Variants in DNAH14 observed in about 807,000 individuals in gnomAD.
DNAH14 encodes the protein dynein axonemal heavy chain 14.
DNAH14 carries 478 observed loss-of-function variants against 520.9 expected under a neutral mutation model. The observed-to-expected ratio is 0.92, with a 90% CI of 0.85 to 0.99. The LOEUF is 0.99. DNAH14 is among the 50% of genes least tolerant of loss of function. DNAH14 has a pLI of 0.00. For missense variants in DNAH14, 4,831 were observed against 5,234.5 expected, an observed-to-expected ratio of 0.92 and a Z score of 2.38; for synonymous variants, 1,581 against 1,757.2, an observed-to-expected ratio of 0.90 and a Z score of 2.51.
chr1:225,214,285 T>C (rs1420092565), intron 41 of DNAH14, among the ~76,000 whole-genome samples: 2 of 152,200 alleles, frequency 1.3e-5, no homozygotes, highest in Non-Finnish European at 2.9e-5. Flanking sequence ...ATAAGCTTTT[T>C]GATGTGCTGC....
intron 42 of DNAH14, among the ~76,000 whole-genome samples, chr1:225,236,234 T>G (rs1173468428): frequency 6.6e-6 from 1 of 152,136 alleles, no homozygotes. Flanking sequence ...TCTGTTTGTT[T>G]GCATTAGTTT....
At position 225,147,241 on chromosome 1, in the gene DNAH14, T is replaced by A. The variant is rs2080036538; in HGVS notation, c.4932T>A (p.Tyr1644Ter). The change falls in exon 31 of 86, where the codon TAT (tyrosine) becomes TAA (stop). Residue 1644 changes from tyrosine to a stop codon, truncating the protein, a stop_gained. Transcript: ENST00000682510. LOFTEE classifies it high-confidence loss of function. ...ILTIKAAKDN[Y>*]SARFVLEGKE... ...CAATTAAGGCTGCAAAAGACAACTATTCTGCCAGGTATTTGTCGAATGTGT... is the reference window on the plus strand; with the variant it reads ...CAATTAAGGCTGCAAAAGACAACTAATCTGCCAGGTATTTGTCGAATGTGT... 1 of 1,543,776 alleles carries A rather than the reference T, an allele frequency of 6.5e-7. No individual in the cohort carries two copies. The highest frequency in any genetic ancestry group is 1.4e-5 in the African/African-American group (1 of 72,638).
intron 41 of DNAH14, among the ~76,000 whole-genome samples, chr1:225,218,770 G>T (rs1368251122): frequency 2.0e-5 from 3 of 152,104 alleles, no homozygotes; most frequent in Admixed American, 1.3e-4. Context: ...AATTCACAAG[G>T]ATATCCAGGA....
intron 10 of DNAH14, among the ~76,000 whole-genome samples, chr1:225,016,286 C>T (rs2065213119): frequency 6.6e-6 from 1 of 152,082 alleles, no homozygotes; most frequent in South Asian, 2.1e-4. Flanking sequence ...GTAAAAGATT[C>T]TATTTATTCT....
At chr1:225,298,801 C>G (rs2150053474) in intron 55 of DNAH14, among the ~76,000 whole-genome samples, 1 of 152,264 alleles carries the variant, frequency 6.6e-6, no homozygotes, top group Non-Finnish European at 1.5e-5. Flanking sequence ...AAAATGGGCC[C>G]AGGGCTAGAA....
chr1:225,049,803 TATCTATCA>T (rs1465375331), intron 15 of DNAH14, among the ~76,000 whole-genome samples: 1 of 149,134 alleles, frequency 6.7e-6, no homozygotes, highest in African/African-American at 2.6e-5. Flanking sequence ...TCTATCTATC[TATCTATCA>T]ATCATCTATC....
intron 36 of DNAH14, among the ~76,000 whole-genome samples, chr1:225,179,364 G>C (rs1053770751): frequency 6.6e-6 from 1 of 151,770 alleles, no homozygotes; most frequent in Non-Finnish European, 1.5e-5. Flanking sequence ...TTAGTTCCTT[G>C]CTTTTTATTT....
At chr1:225,141,103 T>C in intron 28 of DNAH14, 82 bp downstream of exon 28, 1 of 1,333,020 alleles carries the variant, frequency 7.5e-7, no homozygotes. Flanking sequence ...ACCTCACACT[T>C]TGTCAAACTT....
chr1:225,094,368 G>A (rs921930188), intron 21 of DNAH14, among the ~76,000 whole-genome samples: 2 of 151,856 alleles, frequency 1.3e-5, no homozygotes, highest in African/African-American at 4.8e-5. Flanking sequence ...ACAAAAACAA[G>A]GCATAGGGGA....
In DNAH14 at chr1:225,277,423, T is replaced by C. The variant is rs554088376; in HGVS notation, c.8192T>C (p.Met2731Thr). ...TTGATCTGCTAGCTTTCTCATTCCA[T>C]GGTGTTCTTCAAGGAAGCCATAGAA... Reference protein sequence around the residue: ...GSISLELSHSMVFFKEAIEHI... With the variant: ...GSISLELSHSTVFFKEAIEHI... Residue 2731 changes from methionine (M) to threonine (T), a missense_variant, in exon 54 of 86, where the codon ATG becomes ACG. Physicochemically the swap from Met to Thr is moderately conservative, Grantham distance 81. Coordinates refer to ENST00000682510, the MANE Select transcript of DNAH14 (RefSeq NM_001367479.1). The C allele has an allele frequency of 4.3e-6, 2 of 470,032 alleles. No individual in the cohort carries two copies. Among genetic ancestry groups the C allele is most frequent in the African/African-American group, 2.0e-5 (1 of 50,176 alleles). 29.1% of individuals were successfully genotyped at this position (470,032 alleles called of 1,614,324 possible).
chr1:225,364,540 TA>T (rs2095530058), intron 75 of DNAH14, among the ~76,000 whole-genome samples: 1 of 152,176 alleles, frequency 6.6e-6, no homozygotes, highest in African/African-American at 2.4e-5. Context: ...AATTTGTAAT[TA>T]TTTCCAGATT....
At chr1:225,380,137 C>T (rs929301389) in intron 79 of DNAH14, 22 bp from the exon 80 acceptor site, 9 of 1,539,810 alleles carry the variant, frequency 5.8e-6, no homozygotes, top group Non-Finnish European at 7.9e-6. Flanking sequence ...GTGTCTCATT[C>T]TTCTCTTGGT....
intron 43 of DNAH14, among the ~76,000 whole-genome samples, chr1:225,244,720 T>C (rs1473115266): frequency 6.6e-6 from 1 of 152,126 alleles, no homozygotes. Flanking sequence ...TTTTTTATTG[T>C]ATCTATTTGA....
intron 35 of DNAH14, among the ~76,000 whole-genome samples, chr1:225,167,155 C>T (rs2082111692): frequency 6.6e-6 from 1 of 152,202 alleles, no homozygotes; most frequent in African/African-American, 2.4e-5. Context: ...CAACTGATTG[C>T]CTACCTCCAG....
chr1:225,128,921 T>C (rs2078072292), intron 27 of DNAH14, among the ~76,000 whole-genome samples: 3 of 149,890 alleles, frequency 2.0e-5, no homozygotes, highest in East Asian at 2.0e-4. Flanking sequence ...GAAAACCCCA[T>C]TGTCTCAGCC....
chr1:225,051,882 T>C, intron 17 of DNAH14, 87 bp downstream of exon 17: 1 of 951,256 alleles, frequency 1.1e-6, no homozygotes, highest in Non-Finnish European at 1.5e-6. Context: ...GAATATATGA[T>C]ATCATGTCAC....
rs2094579342 is a variant in DNAH14, at chr1:225,322,665, G to A, written c.9337G>A (p.Val3113Ile). 5 of 1,534,290 alleles carry A rather than the reference G, an allele frequency of 3.3e-6. No homozygotes were observed. The highest frequency in any genetic ancestry group is 1.4e-5 in the African/African-American group (1 of 72,770). The part of the protein sequence containing the change: ...LDKADVAELR[V>I]YTRPPFLVLT... ...TGAGATTTTCATCATCTATTACAGA[G>A]TATACACACGGCCTCCCTTCCTTGT... Residue 3113 changes from valine to isoleucine, a missense_variant and splice_region_variant, in exon 62 of 86, where the codon GTA becomes ATA. Physicochemically the swap from Val to Ile is conservative, Grantham distance 29. Coordinates refer to ENST00000682510, the MANE Select transcript of DNAH14 (RefSeq NM_001367479.1).
rs1247449417 is a variant in DNAH14, at chr1:225,374,259, TATATA to T, written c.12319-428_12319-424del. Among the ~76,000 whole-genome samples, 635 of 103,954 alleles carry T rather than the reference TATATA, an allele frequency of 6.1e-3. 16 individuals carry two copies. The highest frequency in any genetic ancestry group is 0.033 in the East Asian group (52 of 1,588). 68.2% of individuals were successfully genotyped at this position (103,954 alleles called of 152,430 possible). A position where few individuals can be genotyped will look rare whatever the true frequency, so the allele number is the denominator to read the frequency against. ...ATATATATATTTGTCTATATATATA[TATATA>T]TATATATTTTTTTTTGAGATAGAGT... is the stretch of plus-strand genomic sequence containing the variant. On this transcript the variant is annotated intron_variant, in intron 77 of 85. Transcript: ENST00000682510.
chr1:225,304,860 T>C, intron 57 of DNAH14, 48 bp from the exon 58 acceptor site: 1 of 1,405,828 alleles, frequency 7.1e-7, no homozygotes, highest in Admixed American at 3.1e-5. Flanking sequence ...TCTTTTTATG[T>C]ATATTTGGAT....
Sources: gnomAD v4.1 joint callset for allele counts (sites outside exome capture counted in the v4.1 genomes callset) on GRCh38, gnomAD v4.1.1 for gene constraint, MANE v1.5 for transcripts, NCBI Gene and HGNC (gene_info 2026-07-23, HGNC 2026-07-21) for gene names.